The following MITF variants were observed in gnomAD, a reference collection of about 807,000 sequenced individuals.
MITF encodes melanocyte inducing transcription factor.
A neutral mutation model predicts 60.5 loss-of-function variants in MITF; 17 were observed. The ratio of observed to expected loss-of-function variants is 0.28; its 90% CI spans 0.19 to 0.42. MITF has a LOEUF of 0.42. Among genes scored for constraint, MITF ranks in the 10% least tolerant of loss-of-function variants. The probability of loss-of-function intolerance (pLI) is 1.00; values close to 1 mark genes in which losing one functional copy is unlikely to be tolerated. For synonymous variants in MITF, 260 were observed against 248.5 expected (o/e 1.05, Z -0.43); for missense variants, 622 against 683.5 (o/e 0.91, Z 1.00).
chr3:69,784,974 C>T (rs2062624564), intron 1 of MITF, among the ~76,000 whole-genome samples: 1 of 151,864 alleles, frequency 6.6e-6, no homozygotes, highest in Non-Finnish European at 1.5e-5. Context: ...TGGGCCCCTG[C>T]AGCCAGCTGC....
chr3:69,760,056 G>A (rs2062189289), intron 1 of MITF, among the ~76,000 whole-genome samples: 2 of 152,210 alleles, frequency 1.3e-5, no homozygotes, highest in Non-Finnish European at 2.9e-5. Context: ...GGGATTACAG[G>A]CGTGAGCCAC....
chr3:69,823,696 G>T (rs781445501), intron 1 of MITF, among the ~76,000 whole-genome samples: 1 of 152,090 alleles, frequency 6.6e-6, no homozygotes, highest in African/African-American at 2.4e-5. Context: ...TCTTTCCTCA[G>T]ATCTGACATT....
At chr3:69,788,001 G>C (rs1030040756) in intron 1 of MITF, among the ~76,000 whole-genome samples, 4 of 152,046 alleles carry the variant, frequency 2.6e-5, no homozygotes, top group African/African-American at 9.7e-5. Context: ...CATTATCTCT[G>C]TTTTGAAGAT....
chr3:69,859,227 A>G (rs1287746236), intron 1 of MITF, among the ~76,000 whole-genome samples: 1 of 152,168 alleles, frequency 6.6e-6, no homozygotes, highest in Non-Finnish European at 1.5e-5. Flanking sequence ...TGCTTCCCAC[A>G]GGTTGAAACC....
At chr3:69,939,024 C>T (rs1257325074) in intron 3 of MITF, 74 bp from the exon 4 acceptor site, 3 of 1,575,350 alleles carry the variant, frequency 1.9e-6, no homozygotes, top group Non-Finnish European at 2.6e-6. Context: ...GTGCCATCAG[C>T]TTTGTGTGAA....
intron 1 of MITF, among the ~76,000 whole-genome samples, chr3:69,863,930 C>T (rs2107220743): frequency 6.6e-6 from 1 of 152,206 alleles, no homozygotes; most frequent in Non-Finnish European, 1.5e-5. Context: ...TTATTTCTTG[C>T]TCTTCCACTT....
At chr3:69,894,702 A>G (rs1192346296) in intron 2 of MITF, among the ~76,000 whole-genome samples, 1 of 151,528 alleles carries the variant, frequency 6.6e-6, no homozygotes, top group Non-Finnish European at 1.5e-5. Context: ...CTACTGTGCT[A>G]TCCTAACTCC....
intron 1 of MITF, among the ~76,000 whole-genome samples, chr3:69,817,901 G>A (rs2063206848): frequency 6.6e-6 from 1 of 152,092 alleles, no homozygotes; most frequent in South Asian, 2.1e-4. Context: ...GTAATATCCT[G>A]CATTGTGTCT....
intron 1 of MITF, chr3:69,866,222 C>T: frequency 6.2e-7 from 1 of 1,604,968 alleles, no homozygotes; most frequent in South Asian, 1.1e-5. Flanking sequence ...AGTGACACAG[C>T]CAGTGCCAGA....
intron 1 of MITF, among the ~76,000 whole-genome samples, chr3:69,797,388 T>C (rs1288707746): frequency 1.3e-5 from 2 of 152,208 alleles, no homozygotes; most frequent in Non-Finnish European, 2.9e-5. Flanking sequence ...CTAAAGATCA[T>C]TTATTAAATA....
chr3:69,749,330 GT>G (rs1469537710), intron 1 of MITF, among the ~76,000 whole-genome samples: 1 of 152,128 alleles, frequency 6.6e-6, no homozygotes, highest in Non-Finnish European at 1.5e-5. Context: ...TCATTGTTTT[GT>G]TTTGTTTTTA....
At chr3:69,749,085 A>G (rs547441416) in intron 1 of MITF, among the ~76,000 whole-genome samples, 1 of 152,324 alleles carries the variant, frequency 6.6e-6, no homozygotes, top group Admixed American at 6.5e-5. Flanking sequence ...GTGAAAGGAA[A>G]TGCTCATGGA....
intron 1 of MITF, among the ~76,000 whole-genome samples, chr3:69,873,362 T>A (rs1398356071): frequency 6.6e-6 from 1 of 152,062 alleles, no homozygotes; most frequent in Non-Finnish European, 1.5e-5. Context: ...GACTACCATT[T>A]AAAAAAAATA....
chr3:69,966,392 G>T lies in MITF; in HGVS notation c.*1144G>T, dbSNP rs1316905375. ...ACAGTCTCACTCAGAACTGTTTTTGGACACATTTAAGGTGTAGTATTAATA... is the reference window on the plus strand; with the variant it reads ...ACAGTCTCACTCAGAACTGTTTTTGTACACATTTAAGGTGTAGTATTAATA... On this transcript the variant is annotated 3_prime_UTR_variant, in exon 10 of 10. Transcript: ENST00000352241. The T allele has an allele frequency of 8.6e-6, 2 of 232,758 alleles. No homozygotes were observed. The highest frequency in any genetic ancestry group is 1.7e-5 in the Non-Finnish European group (2 of 117,626). 14.4% of individuals were successfully genotyped at this position (232,758 alleles called of 1,614,324 possible). A position where few individuals can be genotyped will look rare whatever the true frequency, so the allele number is the denominator to read the frequency against.
intron 1 of MITF, among the ~76,000 whole-genome samples, chr3:69,870,885 A>C (rs1290928453): frequency 6.6e-6 from 1 of 152,108 alleles, no homozygotes; most frequent in African/African-American, 2.4e-5. Context: ...GGTTTTATGA[A>C]TTGTAGGTCT....
intron 1 of MITF, 39 bp downstream of exon 1, chr3:69,739,740 T>TG (rs1271645068): frequency 8.3e-6 from 12 of 1,446,404 alleles, no homozygotes; most frequent in Non-Finnish European, 1.0e-5. Context: ...ACCGGGCGGC[T>TG]GGGGGGCACT....
At chr3:69,939,356 T>C (rs1377451283) in intron 4 of MITF, among the ~76,000 whole-genome samples, 175 bp downstream of exon 4, 1 of 151,840 alleles carries the variant, frequency 6.6e-6, no homozygotes, top group Non-Finnish European at 1.5e-5. Context: ...GATTAAATAA[T>C]GACAAGGGAG....
chr3:69,766,493 T>C (rs2062297064), intron 1 of MITF, among the ~76,000 whole-genome samples: 1 of 151,010 alleles, frequency 6.6e-6, no homozygotes, highest in African/African-American at 2.4e-5. Context: ...TCCCAAAGTG[T>C]TGGGATTACA....
intron 1 of MITF, among the ~76,000 whole-genome samples, chr3:69,841,032 G>T (rs1575801087): frequency 6.6e-6 from 1 of 152,196 alleles, no homozygotes; most frequent in East Asian, 1.9e-4. Context: ...CTGGAATTAT[G>T]GGTGTGAGCC....
Sources: allele counts gnomAD v4.1 joint callset (sites outside exome capture counted in the v4.1 genomes callset), GRCh38; gene constraint gnomAD v4.1.1; transcripts MANE v1.5; gene names NCBI Gene and HGNC (gene_info 2026-07-23, HGNC 2026-07-21).